ZNF500: variants seen among roughly 807,000 people sequenced by gnomAD.
ZNF500 encodes zinc finger protein 500.
A neutral mutation model predicts 30.1 loss-of-function variants in ZNF500; 31 were observed. The ratio of observed to expected loss-of-function variants is 1.03; its 90% CI spans 0.77 to 1.39. ZNF500 has a LOEUF of 1.39. Ranked by LOEUF, ZNF500 falls within the 40% of genes most tolerant of loss-of-function variation. The pLI, the probability that ZNF500 is intolerant of heterozygous loss-of-function variation, is 0.00. For missense variants in ZNF500, 817 were observed against 657.8 expected, an observed-to-expected ratio of 1.24 and a Z score of -2.65; for synonymous variants, 392 against 282.0, an observed-to-expected ratio of 1.39 and a Z score of -3.91.
intron 5 of ZNF500, among the ~76,000 whole-genome samples, chr16:4,758,869 G>C (rs1396075983): frequency 6.6e-6 from 1 of 151,924 alleles, no homozygotes; most frequent in Non-Finnish European, 1.5e-5. Flanking sequence ...TGCATGAAAG[G>C]ACGCTACCAA....
chr16:4,753,199 GC>G, intron 5 of ZNF500, 141 bp from the exon 6 acceptor site: 1 of 1,396,616 alleles, frequency 7.2e-7, no homozygotes, highest in Non-Finnish European at 9.3e-7. Flanking sequence ...TGTGGCTCAC[GC>G]CTATAATCCC....
chr16:4,758,417 G>A (rs753015577), intron 5 of ZNF500: 4 of 152,220 alleles, frequency 2.6e-5, no homozygotes, highest in Non-Finnish European at 5.9e-5. Context: ...GGAGCCGGGA[G>A]GGCTGGCAAA....
At chr16:4,747,392 A>C (rs2082031643), downstream of ZNF500, 1 of 1,610,380 alleles carries the variant, frequency 6.2e-7, no homozygotes, top group Non-Finnish European at 8.5e-7. Context: ...GGCCTTTCAG[A>C]AGGGGACAGC....
chr16:4,747,770 C>G, downstream of ZNF500: 1 of 1,069,320 alleles, frequency 9.4e-7, no homozygotes, highest in African/African-American at 1.7e-5. Flanking sequence ...TGGACTGTTG[C>G]CCACCCTGTT....
intron 5 of ZNF500, among the ~76,000 whole-genome samples, chr16:4,754,015 C>T (rs1217366724): frequency 1.3e-5 from 2 of 152,216 alleles, no homozygotes; most frequent in East Asian, 3.9e-4. Context: ...AGGCTTTGCC[C>T]CTTTCAGGAA....
rs1480058460 is a variant in ZNF500 at position 4,752,468 on chromosome 16, C to T, written c.1351G>A (p.Asp451Asn). Residue 451 changes from aspartate to asparagine, a missense_variant, in exon 6 of 6, where the codon GAC becomes AAC. Asp to Asn is a conservative substitution (Grantham distance 23, BLOSUM62 1). Transcript: ENST00000219478. ...ACGRGFRRGT[D>N]LHKHQRTHMG... The stretch of plus-strand genomic sequence containing the variant: ...TGGGTCCGCTGGTGCTTGTGCAGGT[C>T]GGTGCCCCGGCGGAAGCCCCGGCCA... 7 of 1,543,662 alleles carry T rather than the reference C, an allele frequency of 4.5e-6. No homozygotes were observed. Among genetic ancestry groups the T allele is most frequent in the South Asian group, 3.5e-5 (3 of 84,510 alleles).
chr16:4,759,041 T>A (rs1418544654), intron 5 of ZNF500, among the ~76,000 whole-genome samples: 1 of 151,876 alleles, frequency 6.6e-6, no homozygotes, highest in East Asian at 1.9e-4. Context: ...AAAACCCAGC[T>A]CTACTAAAAA....
downstream of ZNF500, chr16:4,746,532 C>T: frequency 6.2e-7 from 1 of 1,607,718 alleles, no homozygotes. Flanking sequence ...GCAGTGACTA[C>T]CCCATACCAG....
chr16:4,745,018 C>T, downstream of ZNF500: 3 of 1,612,178 alleles, frequency 1.9e-6, no homozygotes, highest in Non-Finnish European at 2.5e-6. Flanking sequence ...GCAGGTGGGA[C>T]TTGTAGCCAG....
In ZNF500 at chr16:4,762,338, G is replaced by C. The variant is rs2082213839; in HGVS notation, c.599-3C>G. 6.2e-7 allele frequency: 1 copy of C among 1,604,594 alleles called. No individual in the cohort carries two copies. The highest frequency in any genetic ancestry group is 8.5e-7 in the Non-Finnish European group (1 of 1,175,696). On this transcript the variant is annotated splice_region_variant and splice_polypyrimidine_tract_variant and intron_variant, in intron 3 of 5. Coordinates refer to ENST00000219478, the MANE Select transcript of ZNF500 (RefSeq NM_021646.4). ...CTGATGCCGGGGAGCTGGAGGGCCT[G>C]GGAAGGAGCAGAGTCACCACCAGTC... is the stretch of plus-strand genomic sequence containing the variant.
downstream of ZNF500, among the ~76,000 whole-genome samples, chr16:4,744,593 G>T (rs1047667535): frequency 6.6e-6 from 1 of 150,940 alleles, no homozygotes; most frequent in Non-Finnish European, 1.5e-5. Context: ...TGGGACCGGG[G>T]TGTGAGGAAG....
At chr16:4,746,117 G>A (rs2082014251), downstream of ZNF500, 1 of 402,730 alleles carries the variant, frequency 2.5e-6, no homozygotes, top group Non-Finnish European at 4.4e-6. Flanking sequence ...TGTAAACTTA[G>A]CCACTTGTGC....
In ZNF500 at chr16:4,763,658, C is replaced by G. The variant is rs1025047490; in HGVS notation, c.415-902G>C. The G allele has an allele frequency of 7.1e-6, 7 of 985,438 alleles. No homozygotes were observed. In the African/African-American group the frequency reaches 8.7e-5, roughly 12 times the overall value. The allele number at this position is 985,438 out of a possible 1,614,324, so 61.0% of individuals were successfully genotyped here. ...GGGGAGCACAGCCTGCCCCTCTCAG[C>G]TCAGTGATGGCCATGAGGCATGTGT... is the stretch of plus-strand genomic sequence containing the variant. On this transcript the variant is annotated intron_variant, in intron 2 of 5. Coordinates refer to ENST00000219478, the MANE Select transcript of ZNF500 (RefSeq NM_021646.4).
chr16:4,749,293 TTTC>T lies in ZNF500; in HGVS notation c.*3080_*3082del, dbSNP rs2082056185. On this transcript the variant is annotated 3_prime_UTR_variant, in exon 6 of 6. Transcript: ENST00000219478. ...AGCTGTCAAGAGCAAAGGCTTTTTT[TTTC>T]TTCAACCCCATTTTCTTCCATTTCT... 1 of 154,504 alleles carries T rather than the reference TTTC, an allele frequency of 6.5e-6. No individual in the cohort carries two copies. Among genetic ancestry groups the T allele is most frequent in the African/African-American group, 2.4e-5 (1 of 41,552 alleles). The allele number at this position is 154,504 out of a possible 1,614,324, so 9.6% of individuals were successfully genotyped here.
rs762074335 is a variant in ZNF500, at chr16:4,752,376, T to C, written c.1443A>G (p.Ter481TrpextTer22). 2.0e-6 allele frequency: 3 copies of C among 1,487,094 alleles called. No homozygotes were observed. Among genetic ancestry groups the C allele is most frequent in the East Asian group, 5.0e-5 (2 of 40,326 alleles). The allele number at this position is 1,487,094 out of a possible 1,614,324, so 92.1% of individuals were successfully genotyped here. ...VAPGGPGAKA[*>W] ...GGAAAGGGAGTTTCAGGCCTGGTGA[T>C]CAGGCTTTGGCACCGGGGCCTCCAG... Residue 481 changes from the stop codon to tryptophan, a stop_lost, in exon 6 of 6, where the codon TGA becomes TGG. Transcript: ENST00000219478.
downstream of ZNF500, chr16:4,744,919 C>G (rs756450885): frequency 3.7e-6 from 6 of 1,613,798 alleles, no homozygotes; most frequent in Admixed American, 1.0e-4. Context: ...AGCTGGCCCT[C>G]CTGTGCACCA....
At chr16:4,748,025 C>T (rs990060455), downstream of ZNF500, among the ~76,000 whole-genome samples, 8 of 152,024 alleles carry the variant, frequency 5.3e-5, no homozygotes, top group South Asian at 2.1e-4. Flanking sequence ...CCAAGTAAAA[C>T]GTATTTAGAG....
chr16:4,759,875 C>A (rs553799075), intron 5 of ZNF500, among the ~76,000 whole-genome samples: 2 of 152,274 alleles, frequency 1.3e-5, no homozygotes, highest in Admixed American at 1.3e-4. Flanking sequence ...CCCATCTCTA[C>A]TAATAAAACA....
In ZNF500 at chr16:4,750,494, A is replaced by ATT. The variant is rs985450406; in HGVS notation, c.*1880_*1881dup. On this transcript the variant is annotated 3_prime_UTR_variant, in exon 6 of 6. Transcript: ENST00000219478. ...AGGCACACCCCATCATGCCTGGCTA[A>ATT]TTTTTTTTTTTTTTGTGTGGAGTCT... 7 of 97,804 alleles carry ATT rather than the reference A, an allele frequency of 7.2e-5. No individual in the cohort carries two copies. Among genetic ancestry groups the ATT allele is most frequent in the Non-Finnish European group, 1.5e-4 (6 of 40,518 alleles). 6.1% of individuals were successfully genotyped at this position (97,804 alleles called of 1,614,324 possible).
Sources: allele counts gnomAD v4.1 joint callset (sites outside exome capture counted in the v4.1 genomes callset), GRCh38; gene constraint gnomAD v4.1.1; transcripts MANE v1.5; gene names NCBI Gene and HGNC (gene_info 2026-07-23, HGNC 2026-07-21).